The following SCN8A variants were observed in gnomAD, a reference collection of about 807,000 sequenced individuals.
SCN8A encodes the protein sodium voltage-gated channel alpha subunit 8.
Under a neutral mutation model 184.1 loss-of-function variants are expected in SCN8A, and 30 were observed. The ratio of observed to expected loss-of-function variants is 0.16; its 90% CI spans 0.12 to 0.22. The LOEUF (loss-of-function observed/expected upper bound fraction) is 0.22, where lower values mean the gene tolerates loss of function less well. Among genes scored for constraint, SCN8A ranks in the 10% least tolerant of loss-of-function variants. The pLI, the probability that SCN8A is intolerant of heterozygous loss-of-function variation, is 1.00. For missense variants in SCN8A, 1,057 were observed against 2,498.9 expected (o/e 0.42, Z 12.30); for synonymous variants, 852 against 907.0 (o/e 0.94, Z 1.09).
At chr12:51,780,454 T>C (rs1937862817) in intron 20 of SCN8A, among the ~76,000 whole-genome samples, 195 bp from the exon 21 acceptor site, 1 of 151,792 alleles carries the variant, frequency 6.6e-6, no homozygotes, top group Non-Finnish European at 1.5e-5. Context: ...GTCATTTGAG[T>C]CAAGTTGAAA....
At chr12:51,762,056 G>A (rs940511641) in intron 14 of SCN8A, among the ~76,000 whole-genome samples, 52 of 152,056 alleles carry the variant, frequency 3.4e-4, no homozygotes, top group African/African-American at 1.1e-3. Context: ...ACACCTTGTG[G>A]CAAATGTCTG....
Position 51,806,251 on chromosome 12 carries a change from A to C in SCN8A, c.4796-31A>C. 6.7e-7 allele frequency: 1 copy of C among 1,500,402 alleles called. No individual in the cohort carries two copies. Among genetic ancestry groups the C allele is most frequent in the Non-Finnish European group, 8.9e-7 (1 of 1,125,782 alleles). The allele number at this position is 1,500,402 out of a possible 1,614,324, so 92.9% of individuals were successfully genotyped here. On this transcript the variant is annotated intron_variant, in intron 26 of 26. Coordinates refer to ENST00000627620, the MANE Select transcript of SCN8A (RefSeq NM_001330260.2). This position sits in a 1 kb window ranked among gnomAD's most constrained non-coding sequence, Gnocchi z 8.7. ...AAGAGAAAGGGTGTCTCCCATCTCA[A>C]TAACATAACTTCTTCTATTCCTCTT...
chr12:51,603,606 T>C (rs1300597919), intron 1 of SCN8A, among the ~76,000 whole-genome samples: 1 of 152,216 alleles, frequency 6.6e-6, no homozygotes, highest in African/African-American at 2.4e-5. Flanking sequence ...TATAAGCAAC[T>C]AACAACTGTT....
chr12:51,770,301 C>T, intron 18 of SCN8A: 1 of 595,276 alleles, frequency 1.7e-6, no homozygotes. Context: ...CTCACTGCTT[C>T]TTTGTAGGAC....
intron 1 of SCN8A, among the ~76,000 whole-genome samples, chr12:51,642,333 G>A (rs1194233862): frequency 4.6e-5 from 7 of 152,170 alleles, no homozygotes; most frequent in African/African-American, 1.7e-4. Flanking sequence ...CTATGAAGCT[G>A]GATCTAGCAA....
chr12:51,738,805 A>G (rs1480640626), intron 12 of SCN8A, among the ~76,000 whole-genome samples: 1 of 152,224 alleles, frequency 6.6e-6, no homozygotes, highest in Non-Finnish European at 1.5e-5. Flanking sequence ...CCCTGCTGGC[A>G]AGGGTCCACA....
chr12:51,688,588 T>C (rs1440896423), intron 5 of SCN8A, among the ~76,000 whole-genome samples: 1 of 152,206 alleles, frequency 6.6e-6, no homozygotes. Flanking sequence ...TTTTGAATTC[T>C]TCTTGTCCAA....
At chr12:51,759,000 G>A (rs546611296) in intron 14 of SCN8A, among the ~76,000 whole-genome samples, 187 of 149,778 alleles carry the variant, frequency 1.2e-3, no homozygotes, top group Middle Eastern at 3.5e-3. Flanking sequence ...GTGTGTGTGT[G>A]TATATATATA....
chr12:51,773,757 T>C (rs1431534067), intron 19 of SCN8A, among the ~76,000 whole-genome samples: 1 of 152,136 alleles, frequency 6.6e-6, no homozygotes, highest in Non-Finnish European at 1.5e-5. Context: ...CATCAACTGA[T>C]GAAGGATAAA....
chr12:51,654,090 T>C (rs1940773492), intron 1 of SCN8A, among the ~76,000 whole-genome samples: 1 of 152,216 alleles, frequency 6.6e-6, no homozygotes, highest in African/African-American at 2.4e-5. Flanking sequence ...ATTCTGGGTA[T>C]TAATTCTATC....
chr12:51,607,007 C>T (rs1230019260), intron 1 of SCN8A, among the ~76,000 whole-genome samples: 1 of 151,868 alleles, frequency 6.6e-6, no homozygotes, highest in Non-Finnish European at 1.5e-5. Context: ...AAGCAATTCT[C>T]CTGCCTCAGC....
At chr12:51,661,622 T>TA (rs555368134) in intron 1 of SCN8A, among the ~76,000 whole-genome samples, 21 of 150,302 alleles carry the variant, frequency 1.4e-4, no homozygotes, top group Admixed American at 4.0e-4. Context: ...TCTTTAGTCT[T>TA]AAAAAAAAAA....
At chr12:51,742,792 C>T (rs575340329) in intron 12 of SCN8A, among the ~76,000 whole-genome samples, 2 of 152,142 alleles carry the variant, frequency 1.3e-5, no homozygotes, top group African/African-American at 2.4e-5. Context: ...ACTTTCTATC[C>T]GTATCTCTTT....
chr12:51,757,971 A>C (rs1459515562), intron 14 of SCN8A, among the ~76,000 whole-genome samples: 1 of 152,214 alleles, frequency 6.6e-6, no homozygotes, highest in Admixed American at 6.5e-5. Flanking sequence ...AAACTGAGAA[A>C]ATTTCTAAAC....
chr12:51,703,813 A>G (rs1941732021), intron 9 of SCN8A, among the ~76,000 whole-genome samples: 1 of 152,220 alleles, frequency 6.6e-6, no homozygotes, highest in South Asian at 2.1e-4. Flanking sequence ...TCTAGTTCAA[A>G]TATCTGAGTT....
At chr12:51,746,064 G>T (rs370783899) in intron 13 of SCN8A, 29 bp downstream of exon 13, 14 of 1,556,824 alleles carry the variant, frequency 9.0e-6, no homozygotes, top group Admixed American at 1.9e-5. Flanking sequence ...CAGTCCAACC[G>T]CTGAGATATA....
In SCN8A at chr12:51,810,626, A is replaced by G. The variant is rs903364637; in HGVS notation, c.*3197A>G. 1.3e-5 allele frequency: 2 copies of G among 153,980 alleles called. No homozygotes were observed. Among genetic ancestry groups the G allele is most frequent in the African/African-American group, 4.8e-5 (2 of 41,484 alleles). The allele number at this position is 153,980 out of a possible 1,614,324, so 9.5% of individuals were successfully genotyped here. A position where few individuals can be genotyped will look rare whatever the true frequency, so the allele number is the denominator to read the frequency against. On this transcript the variant is annotated 3_prime_UTR_variant, in exon 27 of 27. Coordinates refer to ENST00000627620, the MANE Select transcript of SCN8A (RefSeq NM_001330260.2). ...AATCCACCTTTTAAAAAAAGGACAA[A>G]AAGCAAAAAGATGTGTGATGCTGTT...
At chr12:51,652,309 G>T (rs908656942) in intron 1 of SCN8A, among the ~76,000 whole-genome samples, 5 of 152,004 alleles carry the variant, frequency 3.3e-5, no homozygotes, top group Non-Finnish European at 5.9e-5. Context: ...TGCTGCTGCT[G>T]CCTGGCTTAG....
At chr12:51,635,903 T>G (rs926928784) in intron 1 of SCN8A, among the ~76,000 whole-genome samples, 5 of 152,346 alleles carry the variant, frequency 3.3e-5, no homozygotes, top group South Asian at 2.1e-4. Context: ...TATAGCTTCA[T>G]AAATTTTCAG....
Sources: allele counts gnomAD v4.1 joint callset (sites outside exome capture counted in the v4.1 genomes callset), GRCh38; gene constraint gnomAD v4.1.1; non-coding constraint Gnocchi (gnomAD v3.1); transcripts MANE v1.5; gene names NCBI Gene and HGNC (gene_info 2026-07-23, HGNC 2026-07-21).